Variants in OPRD1 observed in about 807,000 individuals in gnomAD.
The protein encoded by OPRD1 is opioid receptor delta 1, also known as delta-type opioid receptor.
A neutral mutation model predicts 17.5 loss-of-function variants in OPRD1; 19 were observed. That is an observed-to-expected ratio of 1.09 (90% CI 0.76 to 1.60). The LOEUF is 1.60. OPRD1 is among the 40% of genes most tolerant of loss of function. The probability of loss-of-function intolerance (pLI) is 0.00; values close to 1 mark genes in which losing one functional copy is unlikely to be tolerated. For synonymous variants in OPRD1, 256 were observed against 240.9 expected (o/e 1.06, Z -0.58); for missense variants, 483 against 547.2 (o/e 0.88, Z 1.17).
At chr1:28,835,314 AG>A (rs1444283384) in intron 1 of OPRD1, among the ~76,000 whole-genome samples, 2 of 152,098 alleles carry the variant, frequency 1.3e-5, no homozygotes, top group Admixed American at 6.6e-5. Context: ...GAGGTGAACG[AG>A]GCATCTGTCC....
intron 1 of OPRD1, among the ~76,000 whole-genome samples, chr1:28,843,212 C>T (rs2088909148): frequency 6.6e-6 from 1 of 152,154 alleles, no homozygotes; most frequent in South Asian, 2.1e-4. Context: ...CCCCTCACCC[C>T]ACTCCCAAGC....
chr1:28,820,635 G>C (rs979263929), intron 1 of OPRD1, among the ~76,000 whole-genome samples: 1 of 151,972 alleles, frequency 6.6e-6, no homozygotes, highest in African/African-American at 2.4e-5. Context: ...AGACCAGCCC[G>C]AACAATATGG....
intron 1 of OPRD1, among the ~76,000 whole-genome samples, chr1:28,823,189 TC>T (rs923445230): frequency 5.6e-5 from 8 of 142,378 alleles, no homozygotes; most frequent in African/African-American, 2.1e-4. Context: ...TCTTCTGTAG[TC>T]TTTTTTTTTT....
At chr1:28,840,481 CAAG>C (rs1466803242) in intron 1 of OPRD1, among the ~76,000 whole-genome samples, 1 of 152,134 alleles carries the variant, frequency 6.6e-6, no homozygotes, top group Non-Finnish European at 1.5e-5. Context: ...AAACTGAAGC[CAAG>C]AAGAAGGCAC....
chr1:28,824,577 C>T (rs567840473), intron 1 of OPRD1, among the ~76,000 whole-genome samples: 92 of 152,060 alleles, frequency 6.1e-4, no homozygotes, highest in Non-Finnish European at 1.1e-3. Flanking sequence ...CTCGGCCTCC[C>T]AAAGTGCTGG....
intron 1 of OPRD1, among the ~76,000 whole-genome samples, chr1:28,827,168 C>T (rs1040954991): frequency 5.3e-5 from 8 of 152,026 alleles, no homozygotes; most frequent in East Asian, 1.9e-4. Context: ...TGGTGGTGTG[C>T]GCCTGTAGTC....
intron 1 of OPRD1, among the ~76,000 whole-genome samples, chr1:28,843,201 C>T (rs2088909103): frequency 6.6e-6 from 1 of 152,106 alleles, no homozygotes; most frequent in African/African-American, 2.4e-5. Flanking sequence ...CTCGAAAGGA[C>T]CCCCTCACCC....
intron 1 of OPRD1, among the ~76,000 whole-genome samples, chr1:28,824,509 A>G (rs902987345): frequency 1.6e-4 from 24 of 150,660 alleles, no homozygotes; most frequent in Admixed American, 4.0e-4. Flanking sequence ...TAGTACAGAC[A>G]GGGTTTCACC....
rs111374541 is a variant in OPRD1, at chr1:28,866,681, G to A, written c.*3398G>A. The stretch of plus-strand genomic sequence containing the variant: ...TTCCAGGCATCAGTGAAGTAGAAAG[G>A]CCTTAGAAGCTGGAACCCCAGAATG... On this transcript the variant is annotated 3_prime_UTR_variant, in exon 3 of 3. Transcript: ENST00000234961. The A allele has an allele frequency of 3.1e-4, 47 of 152,278 alleles. No homozygotes were observed. The highest frequency in any genetic ancestry group is 1.1e-3 in the African/African-American group (46 of 41,556). The allele number at this position is 152,278 out of a possible 1,614,324, so 9.4% of individuals were successfully genotyped here.
intron 1 of OPRD1, among the ~76,000 whole-genome samples, chr1:28,855,671 C>T (rs550421022): frequency 6.6e-6 from 1 of 152,324 alleles, no homozygotes; most frequent in South Asian, 2.1e-4. Flanking sequence ...TTCCCAGCAT[C>T]CCAGCCCCCT....
intron 1 of OPRD1, among the ~76,000 whole-genome samples, chr1:28,839,574 G>C (rs552282404): frequency 6.6e-6 from 1 of 152,270 alleles, no homozygotes; most frequent in East Asian, 1.9e-4. Context: ...TGGTTCCTGA[G>C]GTACCACAGG....
chr1:28,852,145 C>T (rs1409646732), intron 1 of OPRD1, among the ~76,000 whole-genome samples: 17 of 121,232 alleles, frequency 1.4e-4, no homozygotes, highest in Admixed American at 6.7e-4. Flanking sequence ...CCAGCCTGGG[C>T]GACAGAGCAA....
chr1:28,824,071 C>T (rs376611491), intron 1 of OPRD1, among the ~76,000 whole-genome samples: 18 of 148,538 alleles, frequency 1.2e-4, no homozygotes, highest in Middle Eastern at 3.5e-3. Flanking sequence ...CCTAGCCACT[C>T]GGGAGGCTGA....
intron 2 of OPRD1, among the ~76,000 whole-genome samples, chr1:28,860,750 C>T (rs2089107586): frequency 6.6e-6 from 1 of 152,128 alleles, no homozygotes; most frequent in Non-Finnish European, 1.5e-5. Context: ...GGTTCCTGCC[C>T]CCAGGTCTGT....
At chr1:28,819,961 T>A (rs1283499931) in intron 1 of OPRD1, among the ~76,000 whole-genome samples, 1 of 152,038 alleles carries the variant, frequency 6.6e-6, no homozygotes, top group Non-Finnish European at 1.5e-5. Flanking sequence ...GAACAATACA[T>A]ACACACCCTC....
intron 1 of OPRD1, among the ~76,000 whole-genome samples, chr1:28,822,864 G>T (rs901971532): frequency 6.6e-6 from 1 of 152,154 alleles, no homozygotes; most frequent in African/African-American, 2.4e-5. Flanking sequence ...ACTTTGAGAG[G>T]CAGGGGGCTG....
chr1:28,813,044 G>A (rs1300745789), intron 1 of OPRD1, among the ~76,000 whole-genome samples: 1 of 152,190 alleles, frequency 6.6e-6, no homozygotes, highest in Admixed American at 6.5e-5. Flanking sequence ...TGAGGGCACC[G>A]TGCAGGCAGG....
chr1:28,842,294 G>T (rs1252838101), intron 1 of OPRD1, among the ~76,000 whole-genome samples: 2 of 152,320 alleles, frequency 1.3e-5, no homozygotes, highest in East Asian at 3.9e-4. Flanking sequence ...CACCCAAAAT[G>T]CTGAGACCAC....
At chr1:28,857,281 T>C (rs2089065174) in intron 1 of OPRD1, among the ~76,000 whole-genome samples, 1 of 152,160 alleles carries the variant, frequency 6.6e-6, no homozygotes, top group Admixed American at 6.6e-5. Context: ...ATTACCCCTC[T>C]TTTTACAGTT....
Sources: gnomAD v4.1 joint callset for allele counts (sites outside exome capture counted in the v4.1 genomes callset) on GRCh38, gnomAD v4.1.1 for gene constraint, MANE v1.5 for transcripts, NCBI Gene and HGNC (gene_info 2026-07-23, HGNC 2026-07-21) for gene names.